Variants in FREM2 observed in about 807,000 individuals in gnomAD.
FREM2 encodes the protein FRAS1 related extracellular matrix 2, also known as FRAS1-related extracellular matrix protein 2.
A neutral mutation model predicts 219.9 loss-of-function variants in FREM2; 119 were observed. The ratio of observed to expected loss-of-function variants is 0.54; its 90% CI spans 0.47 to 0.63. FREM2 has a LOEUF of 0.63. Ranked by LOEUF, FREM2 falls within the 30% of genes least tolerant of loss-of-function variation. The pLI is 0.00. For missense variants in FREM2, 4,030 were observed against 3,993.6 expected, an observed-to-expected ratio of 1.01 and a Z score of -0.25; for synonymous variants, 1,562 against 1,522.8, an observed-to-expected ratio of 1.03 and a Z score of -0.60.
chr13:38,711,601 G>T (rs1870771989), intron 2 of FREM2, among the ~76,000 whole-genome samples: 1 of 152,104 alleles, frequency 6.6e-6, no homozygotes, highest in South Asian at 2.1e-4. Flanking sequence ...ATATTTCAAG[G>T]AATGGATTGT....
At chr13:38,817,037 A>G (rs547883143) in intron 6 of FREM2, among the ~76,000 whole-genome samples, 2 of 152,250 alleles carry the variant, frequency 1.3e-5, no homozygotes, top group East Asian at 1.9e-4. Context: ...TACTGAGGCT[A>G]TAAAACTTTG....
At position 38,872,016 on chromosome 13, in the gene FREM2, T is replaced by A. The variant is rs201752243; in HGVS notation, c.7984-726T>A. On this transcript the variant is annotated intron_variant, in intron 16 of 23. Transcript: ENST00000280481. ...AATAAAAAAGTAGCTCATAGCAGCA[T>A]TTTTTATAATAGCCAAAAACTGGAA... 4.6e-5 allele frequency among the ~76,000 whole-genome samples: 7 copies of A among 152,316 alleles called. No homozygotes were observed. The East Asian group carries it at 1.3e-3, about 29-fold the overall frequency.
intron 6 of FREM2, among the ~76,000 whole-genome samples, chr13:38,834,066 C>T (rs1229632679): frequency 6.6e-6 from 1 of 151,982 alleles, no homozygotes; most frequent in Non-Finnish European, 1.5e-5. Context: ...ATGTGCAGAA[C>T]GTGCTAGTTT....
rs1034819478 is a variant in FREM2, at chr13:38,772,513, T to C, written c.5641+2705T>C. On this transcript the variant is annotated intron_variant, in intron 4 of 23. Transcript: ENST00000280481. ...TAACGACTGAAATTCGTTGAGCAGT[T>C]ACTATGCAACAGACAGTGTGTTTAG... is the stretch of plus-strand genomic sequence containing the variant. Among the ~76,000 whole-genome samples, 5 of 152,198 alleles carry C rather than the reference T, an allele frequency of 3.3e-5. No individual in the cohort carries two copies. The East Asian group carries it at 9.6e-4, about 29-fold the overall frequency.
chr13:38,791,935 A>G (rs578164098), intron 6 of FREM2, among the ~76,000 whole-genome samples: 3 of 152,236 alleles, frequency 2.0e-5, no homozygotes, highest in South Asian at 4.2e-4. Flanking sequence ...CTTTTATCAT[A>G]CTGTAGCAAA....
At chr13:38,780,923 C>A (rs907451665) in intron 4 of FREM2, among the ~76,000 whole-genome samples, 2 of 152,202 alleles carry the variant, frequency 1.3e-5, no homozygotes, top group African/African-American at 4.8e-5. Flanking sequence ...TGCTTCTCTG[C>A]CTGTCTTTGA....
intron 2 of FREM2, among the ~76,000 whole-genome samples, chr13:38,759,329 C>T (rs1873138200): frequency 6.6e-6 from 1 of 151,804 alleles, no homozygotes; most frequent in South Asian, 2.1e-4. Flanking sequence ...TTATCAAATA[C>T]AAGTCAAAAT....
Position 38,851,792 on chromosome 13 carries a change from A to C in FREM2, c.6849A>C (p.Ser2283=), listed in dbSNP as rs1434277202. Residue 2283 remains serine, a synonymous_variant, in exon 11 of 24, where the codon TCA becomes TCC. Transcript: ENST00000280481. ...RIPVIRQGDT[S]KVSIVRVHTK... is the part of the protein sequence containing the mutation. ...CAGTGATTCGCCAAGGAGACACTTC[A>C]AAGGTTTCCATTGTGAGAGTCCACA... 9.9e-6 allele frequency: 16 copies of C among 1,613,882 alleles called. No homozygotes were observed. Among genetic ancestry groups the C allele is most frequent in the African/African-American group, 1.3e-5 (1 of 74,906 alleles).
At chr13:38,761,592 A>G (rs1427927276) in intron 2 of FREM2, among the ~76,000 whole-genome samples, 1 of 152,234 alleles carries the variant, frequency 6.6e-6, no homozygotes, top group African/African-American at 2.4e-5. Context: ...TAGTACAATT[A>G]GTAAATTAAT....
chr13:38,777,502 G>A (rs1175914460), intron 4 of FREM2, among the ~76,000 whole-genome samples: 2 of 152,132 alleles, frequency 1.3e-5, no homozygotes, highest in African/African-American at 2.4e-5. Flanking sequence ...CTTAACATAC[G>A]TGTGCCTCAG....
At chr13:38,705,620 T>G (rs1246757647) in intron 2 of FREM2, among the ~76,000 whole-genome samples, 6 of 152,130 alleles carry the variant, frequency 3.9e-5, no homozygotes, top group African/African-American at 1.4e-4. Context: ...TTTATAAAGT[T>G]GGGATAATAA....
chr13:38,776,073 T>G (rs774538841), intron 4 of FREM2, among the ~76,000 whole-genome samples: 14 of 152,214 alleles, frequency 9.2e-5, no homozygotes, highest in Non-Finnish European at 2.9e-5. Context: ...CTGTAAAAAT[T>G]AGTCTATATT....
At position 38,747,395 on chromosome 13, in the gene FREM2, A is replaced by ATGTGTGTGTGTG. The variant is rs71917471; in HGVS notation, c.5264-16887_5264-16876dup. On this transcript the variant is annotated intron_variant, in intron 2 of 23. Transcript: ENST00000280481. The stretch of plus-strand genomic sequence containing the variant: ...CTTGAGGGCATAAAGCTGATATAAT[A>ATGTGTGTGTGTG]TGTGTGTGTGTGTGTGTGTGTGTGT... Among the ~76,000 whole-genome samples the ATGTGTGTGTGTG allele has an allele frequency of 1.5e-3, 210 of 142,988 alleles. 2 individuals carry two copies. The highest frequency in any genetic ancestry group is 4.5e-3 in the East Asian group (21 of 4,716). 93.8% of individuals were successfully genotyped at this position (142,988 alleles called of 152,430 possible).
intron 1 of FREM2, among the ~76,000 whole-genome samples, chr13:38,695,702 T>A (rs1029328122): frequency 3.2e-4 from 49 of 152,270 alleles, no homozygotes; most frequent in African/African-American, 1.1e-3. Context: ...TTTTTACTGA[T>A]AAAGTGAAGG....
intron 23 of FREM2, 70 bp from the exon 24 acceptor site, chr13:38,880,214 T>C: frequency 6.8e-7 from 1 of 1,460,458 alleles, no homozygotes; most frequent in Non-Finnish European, 9.5e-7. Flanking sequence ...TTAATTTCTC[T>C]TGCAAAGAGT....
chr13:38,807,442 T>C lies in FREM2; in HGVS notation c.6019+22634T>C, dbSNP rs552913598. On this transcript the variant is annotated intron_variant, in intron 6 of 23. Transcript: ENST00000280481. ...TGGTGAATTTTTCCAGAGAGTTTTC[T>C]ACTTACTTTGACCAGATCTATCAGA... 1.7e-4 allele frequency among the ~76,000 whole-genome samples: 25 copies of C among 150,938 alleles called. No individual in the cohort carries two copies. The South Asian group carries it at 2.7e-3, about 16-fold the overall frequency.
At chr13:38,748,506 G>A (rs1380384667) in intron 2 of FREM2, among the ~76,000 whole-genome samples, 1 of 152,150 alleles carries the variant, frequency 6.6e-6, no homozygotes, top group Admixed American at 6.6e-5. Context: ...TGTACTCAAA[G>A]GCAACTTGTC....
chr13:38,786,389 A>G (rs1566142081), intron 6 of FREM2, among the ~76,000 whole-genome samples: 1 of 152,218 alleles, frequency 6.6e-6, no homozygotes, highest in Non-Finnish European at 1.5e-5. Context: ...TTAAATTTAT[A>G]TAATACCCTA....
Position 38,774,514 on chromosome 13 carries a change from A to G in FREM2, c.5641+4706A>G, listed in dbSNP as rs149468488. Among the ~76,000 whole-genome samples, 441 of 152,288 alleles carry G rather than the reference A, an allele frequency of 2.9e-3. 2 individuals carry two copies. The highest frequency in any genetic ancestry group is 0.01 in the African/African-American group (425 of 41,556). On this transcript the variant is annotated intron_variant, in intron 4 of 23. Transcript: ENST00000280481. ...ACTGGAGCCCATAGAAGGAGTATCTATGGAGTATCCAGTCTTGAGAGAGAA... is the reference window on the plus strand; with the variant it reads ...ACTGGAGCCCATAGAAGGAGTATCTGTGGAGTATCCAGTCTTGAGAGAGAA...
Sources: allele counts gnomAD v4.1 joint callset (sites outside exome capture counted in the v4.1 genomes callset), GRCh38; gene constraint gnomAD v4.1.1; transcripts MANE v1.5; gene names NCBI Gene and HGNC (gene_info 2026-07-23, HGNC 2026-07-21).